Variants in THSD7B observed in about 807,000 individuals in gnomAD.
THSD7B encodes the protein thrombospondin type-1 domain-containing protein 7B.
Under a neutral mutation model 213.6 loss-of-function variants are expected in THSD7B, and 138 were observed. That is an observed-to-expected ratio of 0.65 (90% CI 0.56 to 0.74). The LOEUF is 0.74. Ranked by LOEUF, THSD7B falls within the 30% of genes least tolerant of loss-of-function variation. The pLI is 0.00. For synonymous variants in THSD7B, 742 were observed against 687.0 expected (o/e 1.08, Z -1.25); for missense variants, 1,931 against 1,991.5 (o/e 0.97, Z 0.58).
intron 3 of THSD7B, among the ~76,000 whole-genome samples, chr2:137,089,088 A>G (rs932748547): frequency 2.6e-5 from 4 of 152,134 alleles, no homozygotes; most frequent in African/African-American, 9.7e-5. Flanking sequence ...CTAAAAGTAG[A>G]ACTATGATTT....
intron 2 of THSD7B, among the ~76,000 whole-genome samples, chr2:136,927,138 G>T (rs1258255258): frequency 1.3e-5 from 2 of 150,036 alleles, no homozygotes; most frequent in Non-Finnish European, 3.0e-5. Flanking sequence ...CAGCAATATG[G>T]AACTATTTAT....
At chr2:136,918,973 C>G (rs1458589592) in intron 2 of THSD7B, among the ~76,000 whole-genome samples, 1 of 152,158 alleles carries the variant, frequency 6.6e-6, no homozygotes, top group East Asian at 1.9e-4. Flanking sequence ...TTTGTATGCT[C>G]TTCATGAAGG....
In THSD7B at chr2:137,379,600, A is replaced by T. The variant is rs1235942717; in HGVS notation, c.2501-26013A>T. Among the ~76,000 whole-genome samples the T allele has an allele frequency of 2.6e-5, 4 of 152,222 alleles. No homozygotes were observed. In the East Asian group the frequency reaches 5.8e-4, roughly 22 times the overall value. On this transcript the variant is annotated intron_variant, in intron 12 of 27. Coordinates refer to ENST00000409968, the MANE Select transcript of THSD7B (RefSeq NM_001316349.2). ...ATGGCAAGAACTAGCTTTAACTTCCAGATAGATTTCTTTGTATAATAGCAA... is the reference window on the plus strand; with the variant it reads ...ATGGCAAGAACTAGCTTTAACTTCCTGATAGATTTCTTTGTATAATAGCAA...
intron 16 of THSD7B, among the ~76,000 whole-genome samples, chr2:137,572,115 C>T (rs1265809709): frequency 6.6e-6 from 1 of 152,190 alleles, no homozygotes; most frequent in Non-Finnish European, 1.5e-5. Context: ...TATTGCAGGT[C>T]TCTTGAAATA....
chr2:137,177,056 T>A (rs1680372263), intron 7 of THSD7B, among the ~76,000 whole-genome samples: 1 of 152,190 alleles, frequency 6.6e-6, no homozygotes, highest in Non-Finnish European at 1.5e-5. Context: ...TTGATGATAG[T>A]TTTTAAAGAA....
Position 137,627,374 on chromosome 2 carries a change from CAG to C in THSD7B, c.3799+6649_3799+6650del, listed in dbSNP as rs1382623805. ...TCCAAACCATAGCAGGCAAATTAAACAGGGGAGGAGATGGGAAGAACTGCAGT... is the reference window on the plus strand; with the variant it reads ...TCCAAACCATAGCAGGCAAATTAAACGGGAGGAGATGGGAAGAACTGCAGT... On this transcript the variant is annotated intron_variant, in intron 20 of 27. Coordinates refer to ENST00000409968, the MANE Select transcript of THSD7B (RefSeq NM_001316349.2). 3.9e-5 allele frequency among the ~76,000 whole-genome samples: 6 copies of C among 152,110 alleles called. No individual in the cohort carries two copies. The South Asian group carries it at 6.2e-4, about 16-fold the overall frequency.
At chr2:136,771,263 C>A (rs1681500115) in intron 1 of THSD7B, among the ~76,000 whole-genome samples, 1 of 152,084 alleles carries the variant, frequency 6.6e-6, no homozygotes, top group Admixed American at 6.6e-5. Flanking sequence ...GGAATATCTT[C>A]TGGCCAATCA....
chr2:137,554,728 C>T lies in THSD7B; in HGVS notation c.3139-8493C>T, dbSNP rs183776990. Reference sequence around the variant, plus strand: ...AGTACAGTGGATGCAGTGCACCGAGCGTGAGCCAAAGCAGGGCAAGGCATC... The same window carrying T: ...AGTACAGTGGATGCAGTGCACCGAGTGTGAGCCAAAGCAGGGCAAGGCATC... On this transcript the variant is annotated intron_variant, in intron 15 of 27. Transcript: ENST00000409968. Among the ~76,000 whole-genome samples the T allele has an allele frequency of 4.2e-3, 646 of 152,164 alleles. 7 individuals carry two copies. The highest frequency in any genetic ancestry group is 0.015 in the African/African-American group (613 of 41,526).
intron 2 of THSD7B, among the ~76,000 whole-genome samples, chr2:136,967,395 C>A (rs1252861571): frequency 6.6e-6 from 1 of 152,088 alleles, no homozygotes; most frequent in African/African-American, 2.4e-5. Flanking sequence ...GTTATTATAT[C>A]CAGTCATTTG....
chr2:137,051,629 T>G (rs141064937), intron 2 of THSD7B, among the ~76,000 whole-genome samples: 1 of 152,180 alleles, frequency 6.6e-6, no homozygotes, highest in Non-Finnish European at 1.5e-5. Flanking sequence ...CTCTGCATCA[T>G]TATTCATGTC....
chr2:137,546,401 ATAT>A (rs1177100972), intron 15 of THSD7B, among the ~76,000 whole-genome samples: 1 of 43,260 alleles, frequency 2.3e-5, no homozygotes, highest in Non-Finnish European at 3.6e-5. Flanking sequence ...TATATTATAT[ATAT>A]TATATATATA....
chr2:137,255,600 G>A (rs1682288546), intron 10 of THSD7B, among the ~76,000 whole-genome samples: 1 of 152,074 alleles, frequency 6.6e-6, no homozygotes, highest in African/African-American at 2.4e-5. Flanking sequence ...CTTCCCTTTA[G>A]CTATGTCAGC....
At chr2:137,191,786 C>T (rs1558952896) in intron 7 of THSD7B, among the ~76,000 whole-genome samples, 1 of 152,114 alleles carries the variant, frequency 6.6e-6, no homozygotes, top group Admixed American at 6.5e-5. Context: ...CCTACTTCAG[C>T]AGCTGTGGAT....
At chr2:136,815,640 G>T (rs1214630459) in intron 1 of THSD7B, among the ~76,000 whole-genome samples, 5 of 152,064 alleles carry the variant, frequency 3.3e-5, no homozygotes, top group Non-Finnish European at 7.4e-5. Context: ...AAAAACATAA[G>T]CTCATATAAG....
chr2:137,200,968 A>G (rs1394950431), intron 7 of THSD7B, among the ~76,000 whole-genome samples: 1 of 151,008 alleles, frequency 6.6e-6, no homozygotes, highest in African/African-American at 2.4e-5. Flanking sequence ...CTCACCCAGC[A>G]AAACCTGTAT....
rs535015276 is a variant in THSD7B, at chr2:136,980,754, G to A, written c.140-75666G>A. Among the ~76,000 whole-genome samples, 14 of 152,324 alleles carry A rather than the reference G, an allele frequency of 9.2e-5. No individual in the cohort carries two copies. In the South Asian group the frequency reaches 2.1e-3, roughly 23 times the overall value. ...CCTTGGGAACCAAGGCCCTGGTGGTGTGGGTTCATGAGGGTATCTTCTGAT... is the reference window on the plus strand; with the variant it reads ...CCTTGGGAACCAAGGCCCTGGTGGTATGGGTTCATGAGGGTATCTTCTGAT... On this transcript the variant is annotated intron_variant, in intron 2 of 27. Coordinates refer to ENST00000409968, the MANE Select transcript of THSD7B (RefSeq NM_001316349.2).
At chr2:136,873,155 A>T (rs2710185) in intron 1 of THSD7B, among the ~76,000 whole-genome samples, 132,230 of 152,078 alleles carry the variant, frequency 0.87, 57,725 homozygotes, top group Non-Finnish European at 0.91. Context: ...TGTTATGTCC[A>T]GTGGCAAAAG....
chr2:136,941,405 G>T (rs1270449990), intron 2 of THSD7B, among the ~76,000 whole-genome samples: 1 of 152,146 alleles, frequency 6.6e-6, no homozygotes, highest in Non-Finnish European at 1.5e-5. Context: ...GGTATTTCTA[G>T]TTCTAGATCC....
chr2:137,416,980 TTCTA>T (rs1186745122), intron 14 of THSD7B, among the ~76,000 whole-genome samples: 1 of 152,228 alleles, frequency 6.6e-6, no homozygotes, highest in Non-Finnish European at 1.5e-5. Flanking sequence ...ATATAATGTT[TTCTA>T]TCTGATTCCA....
Sources: gnomAD v4.1 joint callset for allele counts (sites outside exome capture counted in the v4.1 genomes callset) on GRCh38, gnomAD v4.1.1 for gene constraint, MANE v1.5 for transcripts, NCBI Gene and HGNC (gene_info 2026-07-23, HGNC 2026-07-21) for gene names.